The following PIEZO2 variants were observed in gnomAD, a reference collection of about 807,000 sequenced individuals.
PIEZO2 encodes the protein piezo-type mechanosensitive ion channel component 2.
A neutral mutation model predicts 337.3 loss-of-function variants in PIEZO2; 172 were observed. The observed-to-expected ratio is 0.51, with a 90% CI of 0.45 to 0.58. PIEZO2 has a LOEUF of 0.58. Among genes scored for constraint, PIEZO2 ranks in the 20% least tolerant of loss-of-function variants. The pLI is 0.00. For synonymous variants in PIEZO2, 1,251 were observed against 1,228.5 expected (o/e 1.02, Z -0.38); for missense variants, 3,028 against 3,391.3 (o/e 0.89, Z 2.66).
chr18:10,726,011 G>A lies in PIEZO2; in HGVS notation c.5029+5396C>T, dbSNP rs924765278. On this transcript the variant is annotated intron_variant, in intron 36 of 55. Transcript: ENST00000674853. The surrounding 1 kb of genome is among the most constrained non-coding windows in gnomAD (Gnocchi z 5.9). ...TTTTACCGAAGGCATCAGCGTGACT[G>A]TTCAGAATAATATGGGCACCCAGGA... Among the ~76,000 whole-genome samples the A allele has an allele frequency of 2.0e-5, 3 of 152,212 alleles. No individual in the cohort carries two copies. The highest frequency in any genetic ancestry group is 7.2e-5 in the African/African-American group (3 of 41,470).
Position 10,871,418 on chromosome 18 carries a change from A to G in PIEZO2, c.330-3T>C, listed in dbSNP as rs1278103368. ...TGCCAGCATCAGCTCCCTTTAAGCT[A>G]TAAAGGAAAAACAAGGGGAGGGGAA... is the stretch of plus-strand genomic sequence containing the variant. On this transcript the variant is annotated splice_polypyrimidine_tract_variant and splice_region_variant and intron_variant, in intron 4 of 55. Transcript: ENST00000674853. 14 of 1,529,964 alleles carry G rather than the reference A, an allele frequency of 9.2e-6. No homozygotes were observed. The East Asian group carries it at 2.9e-4, about 32-fold the overall frequency. 94.8% of individuals were successfully genotyped at this position (1,529,964 alleles called of 1,614,324 possible).
In PIEZO2 at chr18:10,942,477, C is replaced by G. The variant is rs1048065854; in HGVS notation, c.287-31249G>C. On this transcript the variant is annotated intron_variant, in intron 3 of 55. Transcript: ENST00000674853. This position sits in a 1 kb window ranked among gnomAD's most constrained non-coding sequence, Gnocchi z 4.4. ...TATGTTTTAGCAAAGCGACTGGCAGCATTCTGCCCCTGCCCTAGAGATTTG... is the reference window on the plus strand; with the variant it reads ...TATGTTTTAGCAAAGCGACTGGCAGGATTCTGCCCCTGCCCTAGAGATTTG... Among the ~76,000 whole-genome samples the G allele has an allele frequency of 1.3e-5, 2 of 152,196 alleles. No individual in the cohort carries two copies. Among genetic ancestry groups the G allele is most frequent in the African/African-American group, 4.8e-5 (2 of 41,452 alleles).
chr18:11,013,029 G>A (rs2035959513), intron 2 of PIEZO2, among the ~76,000 whole-genome samples: 1 of 152,108 alleles, frequency 6.6e-6, no homozygotes, highest in Admixed American at 6.5e-5. Context: ...GGGCAACAGA[G>A]TGAGACCCTG....
intron 3 of PIEZO2, among the ~76,000 whole-genome samples, chr18:10,923,220 T>C (rs2031532570): frequency 6.6e-6 from 1 of 152,192 alleles, no homozygotes; most frequent in Admixed American, 6.5e-5. Context: ...AATGGATCAG[T>C]TCTCTGGTTT....
Position 10,828,839 on chromosome 18 carries a change from T to C in PIEZO2, c.918-21565A>G, listed in dbSNP as rs1417290879. The stretch of plus-strand genomic sequence containing the variant: ...ATCCTCAGTGTCTGGTGGATGCTTC[T>C]TGATGATTGCATGAGTTCAATGTAT... On this transcript the variant is annotated intron_variant, in intron 7 of 55. Transcript: ENST00000674853. This position sits in a 1 kb window ranked among gnomAD's most constrained non-coding sequence, Gnocchi z 4.1. 2.6e-5 allele frequency among the ~76,000 whole-genome samples: 4 copies of C among 152,178 alleles called. No individual in the cohort carries two copies. Among genetic ancestry groups the C allele is most frequent in the Admixed American group, 2.0e-4 (3 of 15,276 alleles).
chr18:10,891,455 C>T (rs2042753014), intron 4 of PIEZO2, among the ~76,000 whole-genome samples: 1 of 151,928 alleles, frequency 6.6e-6, no homozygotes, highest in Admixed American at 6.6e-5. Context: ...TCTCTTGGAG[C>T]CAAATGTACT....
In PIEZO2 at chr18:11,102,828, G is replaced by A. The variant is rs182911053; in HGVS notation, c.65-36606C>T. Among the ~76,000 whole-genome samples, 30 of 152,240 alleles carry A rather than the reference G, an allele frequency of 2.0e-4. No individual in the cohort carries two copies. Among genetic ancestry groups the A allele is most frequent in the South Asian group, 8.3e-4 (4 of 4,826 alleles). On this transcript the variant is annotated intron_variant, in intron 1 of 55. Transcript: ENST00000674853. This position sits in a 1 kb window ranked among gnomAD's most constrained non-coding sequence, Gnocchi z 5.7. ...TTCAGACTTCAGATGGTTCCAGGCC[G>A]GCCTCCTCTCCCTCCCAGGAGGCTG...
Position 10,953,173 on chromosome 18 carries a change from T to C in PIEZO2, c.286+26362A>G, listed in dbSNP as rs530110543. Among the ~76,000 whole-genome samples, 1 of 152,334 alleles carries C rather than the reference T, an allele frequency of 6.6e-6. No individual in the cohort carries two copies. The highest frequency in any genetic ancestry group is 2.1e-4 in the South Asian group (1 of 4,816). On this transcript the variant is annotated intron_variant, in intron 3 of 55. Coordinates refer to ENST00000674853, the MANE Select transcript of PIEZO2 (RefSeq NM_001378183.1). This position sits in a 1 kb window ranked among gnomAD's most constrained non-coding sequence, Gnocchi z 5.2. ...TCAGATATATAGTTTGTAAATACTTTATTCCAATTTGTGGCTTGCCTTTTT... is the reference window on the plus strand; with the variant it reads ...TCAGATATATAGTTTGTAAATACTTCATTCCAATTTGTGGCTTGCCTTTTT...
At chr18:10,971,447 T>C (rs2034234030) in intron 3 of PIEZO2, among the ~76,000 whole-genome samples, 2 of 152,312 alleles carry the variant, frequency 1.3e-5, no homozygotes, top group South Asian at 4.1e-4. Flanking sequence ...CCTTGGTTAT[T>C]AACAAGTTGA....
chr18:10,734,333 G>T (rs2036908958), intron 35 of PIEZO2, among the ~76,000 whole-genome samples: 1 of 152,174 alleles, frequency 6.6e-6, no homozygotes. Context: ...GCTACTCAAG[G>T]CCCAGCCACG....
rs141621586 is a variant in PIEZO2, at chr18:11,090,457, G to A, written c.65-24235C>T. On this transcript the variant is annotated intron_variant, in intron 1 of 55. Coordinates refer to ENST00000674853, the MANE Select transcript of PIEZO2 (RefSeq NM_001378183.1). ...GCACCAAATTTGACACAGTCTAATG[G>A]GTTTACAATACCCACTGACCAGACT... is the stretch of plus-strand genomic sequence containing the variant. Among the ~76,000 whole-genome samples the A allele has an allele frequency of 2.9e-4, 44 of 152,228 alleles. No homozygotes were observed. In the East Asian group the frequency reaches 8.1e-3, roughly 28 times the overall value.
intron 2 of PIEZO2, among the ~76,000 whole-genome samples, chr18:11,025,812 G>C (rs1249898249): frequency 6.6e-6 from 1 of 152,112 alleles, no homozygotes. Flanking sequence ...TGAGTGGCTG[G>C]GGAAGAACTT....
chr18:10,749,041 CA>C (rs2037540090), intron 29 of PIEZO2, among the ~76,000 whole-genome samples: 1 of 152,088 alleles, frequency 6.6e-6, no homozygotes, highest in African/African-American at 2.4e-5. Flanking sequence ...GAATAATGAG[CA>C]CAGCATGGCT....
intron 36 of PIEZO2, among the ~76,000 whole-genome samples, chr18:10,730,879 A>G (rs1486951269): frequency 6.6e-6 from 1 of 151,974 alleles, no homozygotes; most frequent in African/African-American, 2.4e-5. Flanking sequence ...GGCGTCCGCT[A>G]CCACGCCGGG....
Position 10,791,277 on chromosome 18 carries a change from T to A in PIEZO2, c.1806A>T (p.Thr602=), listed in dbSNP as rs762401809. The A allele has an allele frequency of 6.5e-7, 1 of 1,535,656 alleles. No individual in the cohort carries two copies. ...TFWLLLRQHL[T]EQKALQEKEA... ...CCTTTTCTTGCAGAGCTTTTTGCTC[T>A]GTGAGGTGCTGCCTCAGCAGTAGCC... Residue 602 remains threonine, a synonymous_variant, in exon 14 of 56, where the codon ACA becomes ACT. Coordinates refer to ENST00000674853, the MANE Select transcript of PIEZO2 (RefSeq NM_001378183.1).
chr18:10,678,689 T>C (rs2034123244), intron 52 of PIEZO2, among the ~76,000 whole-genome samples: 2 of 152,222 alleles, frequency 1.3e-5, no homozygotes, highest in South Asian at 4.1e-4. Context: ...GGGCTTTGGA[T>C]GCAGTATTTG....
chr18:11,120,876 C>A (rs1271404465), intron 1 of PIEZO2, among the ~76,000 whole-genome samples: 1 of 152,212 alleles, frequency 6.6e-6, no homozygotes, highest in African/African-American at 2.4e-5. Context: ...AATTTACTTG[C>A]AATTTTTTTT....
chr18:10,974,450 T>G (rs264234), intron 3 of PIEZO2, among the ~76,000 whole-genome samples: 1 of 151,954 alleles, frequency 6.6e-6, no homozygotes, highest in Non-Finnish European at 1.5e-5. Flanking sequence ...AAAGAAAATA[T>G]TCAGTTAATT....
chr18:10,762,985 G>A lies in PIEZO2; in HGVS notation c.3060C>T (p.Val1020=), dbSNP rs1212430245. The change falls in exon 22 of 56, where the codon GTC becomes GTT. Residue 1020 remains valine (V), a synonymous_variant. Transcript: ENST00000674853. The stretch of plus-strand genomic sequence containing the variant: ...TTTGGAGCTGGTACAACATTTTGCA[G>A]ACGATGATCACACACGTCCAGACTG... ...VCTVWTCVII[V]CKMLYQLQTI... The A allele has an allele frequency of 4.6e-6, 7 of 1,537,318 alleles. No individual in the cohort carries two copies. Among genetic ancestry groups the A allele is most frequent in the Admixed American group, 2.0e-5 (1 of 51,008 alleles).
Sources: allele counts gnomAD v4.1 joint callset (sites outside exome capture counted in the v4.1 genomes callset), GRCh38; gene constraint gnomAD v4.1.1; non-coding constraint Gnocchi (gnomAD v3.1); transcripts MANE v1.5; gene names NCBI Gene and HGNC (gene_info 2026-07-23, HGNC 2026-07-21).